MCFD2: variants seen among roughly 807,000 people sequenced by gnomAD.
The protein encoded by MCFD2 is multiple coagulation factor deficiency protein 2.
Under a neutral mutation model 12.8 loss-of-function variants are expected in MCFD2, and 11 were observed. That is an observed-to-expected ratio of 0.86 (90% CI 0.54 to 1.42). MCFD2 has a LOEUF of 1.42. Among genes scored for constraint, MCFD2 ranks in the 40% most tolerant of loss-of-function variants. The pLI is 0.00. For missense variants in MCFD2, 191 were observed against 178.6 expected, an observed-to-expected ratio of 1.07 and a Z score of -0.40; for synonymous variants, 70 against 68.1, an observed-to-expected ratio of 1.03 and a Z score of -0.14.
intron 1 of MCFD2, among the ~76,000 whole-genome samples, chr2:46,938,364 T>A (rs911389973): frequency 8.5e-5 from 13 of 152,126 alleles, no homozygotes; most frequent in African/African-American, 3.1e-4. Flanking sequence ...ATCAGTAAAC[T>A]TCTTGGGTCA....
chr2:46,934,683 TCAAAAA>T (rs1231035055), intron 1 of MCFD2, among the ~76,000 whole-genome samples: 1 of 149,646 alleles, frequency 6.7e-6, no homozygotes, highest in Non-Finnish European at 1.5e-5. Flanking sequence ...AGACTCTGTC[TCAAAAA>T]CAAAAACAAA....
chr2:46,927,612 G>A (rs1306824775), intron 1 of MCFD2, among the ~76,000 whole-genome samples: 12 of 151,764 alleles, frequency 7.9e-5, no homozygotes, highest in East Asian at 1.9e-4. Context: ...TGCTCTCCTC[G>A]GCCTCCCAAA....
At chr2:46,931,775 C>A (rs1468234442) in intron 1 of MCFD2, among the ~76,000 whole-genome samples, 1 of 152,076 alleles carries the variant, frequency 6.6e-6, no homozygotes, top group Non-Finnish European at 1.5e-5. Context: ...AGAAGAAATG[C>A]AGCTCTGCCA....
upstream of MCFD2, chr2:46,915,960 G>T (rs1024628156): frequency 8.1e-6 from 8 of 985,332 alleles, no homozygotes; most frequent in Admixed American, 1.8e-4. Flanking sequence ...AGCACTGGCG[G>T]GACTGACGCA....
chr2:46,913,651 C>G (rs1025412599), intron 1 of MCFD2: 1 of 152,306 alleles, frequency 6.6e-6, no homozygotes, highest in African/African-American at 2.4e-5. Context: ...GAAGAAAAAC[C>G]CAACGGAGGA....
chr2:46,926,093 G>A (rs1250994869), intron 1 of MCFD2, among the ~76,000 whole-genome samples: 1 of 152,108 alleles, frequency 6.6e-6, no homozygotes, highest in Non-Finnish European at 1.5e-5. Flanking sequence ...TTCCCACCCT[G>A]CCCCCTCATC....
In MCFD2 at chr2:46,908,266, T is replaced by A; in HGVS notation, c.150-297A>T. On this transcript the variant is annotated intron_variant, in intron 2 of 3. Transcript: ENST00000319466. This position sits in a 1 kb window ranked among gnomAD's most constrained non-coding sequence, Gnocchi z 4.5. Reference sequence around the variant, plus strand: ...ATTTAAAAATATGTCCTTTAAAACTTTTTTTTTTTTTTGAGACAGGGTCTC... The same window carrying A: ...ATTTAAAAATATGTCCTTTAAAACTATTTTTTTTTTTTGAGACAGGGTCTC... The A allele has an allele frequency of 4.7e-6, 1 of 214,400 alleles. No homozygotes were observed. The highest frequency in any genetic ancestry group is 8.5e-6 in the Non-Finnish European group (1 of 117,356). The allele number at this position is 214,400 out of a possible 1,614,324, so 13.3% of individuals were successfully genotyped here. A position where few individuals can be genotyped will look rare whatever the true frequency, so the allele number is the denominator to read the frequency against.
intron 1 of MCFD2, among the ~76,000 whole-genome samples, chr2:46,924,214 A>AG: frequency 6.6e-6 from 1 of 151,684 alleles, no homozygotes; most frequent in East Asian, 1.9e-4. Context: ...TTTAAAAAAA[A>AG]AAAAAACCCA....
intron 3 of MCFD2, among the ~76,000 whole-genome samples, chr2:46,906,726 G>A (rs1018652680): frequency 5.3e-5 from 8 of 151,994 alleles, no homozygotes; most frequent in African/African-American, 1.7e-4. Flanking sequence ...GGGCTCAAGC[G>A]ATCCTCCTGC....
chr2:46,941,697 G>A lies in MCFD2; in HGVS notation c.-133C>T, dbSNP rs1269506821. The A allele has an allele frequency of 2.6e-6, 4 of 1,550,872 alleles. No homozygotes were observed. The highest frequency in any genetic ancestry group is 2.7e-5 in the African/African-American group (2 of 73,252). On this transcript the variant is annotated 5_prime_UTR_variant, in exon 1 of 3. Coordinates refer to the MCFD2 transcript ENST00000409147. The surrounding 1 kb of genome is among the most constrained non-coding windows in gnomAD (Gnocchi z 4.2). ...GCGGAGGTAACAGGCGAGGCAGCCC[G>A]AGCGCAGCGTTCACCTTTCCGGACA... is the stretch of plus-strand genomic sequence containing the variant.
chr2:46,915,828 G>A (rs1221773885), upstream of MCFD2: 4 of 198,748 alleles, frequency 2.0e-5, no homozygotes, highest in Non-Finnish European at 1.9e-5. Context: ...CCCCCCCCCC[G>A]ACCTGCCCTG....
In MCFD2 at chr2:46,908,394, G is replaced by A. The variant is rs10205749; in HGVS notation, c.150-425C>T. ...TCCCACTTCAGCCCCCCAAGTAGCT[G>A]GGACCATAGGCATGTACTGCCACAT... On this transcript the variant is annotated intron_variant, in intron 2 of 3. Transcript: ENST00000319466. This position sits in a 1 kb window ranked among gnomAD's most constrained non-coding sequence, Gnocchi z 4.5. 0.18 allele frequency: 55,255 copies of A among 303,770 alleles called. 5,352 individuals are homozygous for A. Among genetic ancestry groups the A allele is most frequent in the Middle Eastern group, 0.23 (196 of 840 alleles). 18.8% of individuals were successfully genotyped at this position (303,770 alleles called of 1,614,324 possible).
rs1186170341 is a variant in MCFD2, at chr2:46,937,268, T to C, written c.-8+4304A>G. Among the ~76,000 whole-genome samples, 1 of 152,124 alleles carries C rather than the reference T, an allele frequency of 6.6e-6. No homozygotes were observed. The highest frequency in any genetic ancestry group is 2.1e-4 in the South Asian group (1 of 4,824). ...CCAATATCACAGCTGAAACCTGCTATTTCTTTTCCCCTACCCTATGCTCCT... is the reference window on the plus strand; with the variant it reads ...CCAATATCACAGCTGAAACCTGCTACTTCTTTTCCCCTACCCTATGCTCCT... On this transcript the variant is annotated intron_variant, in intron 1 of 2. Coordinates refer to the MCFD2 transcript ENST00000409147. This position sits in a 1 kb window ranked among gnomAD's most constrained non-coding sequence, Gnocchi z 4.0.
rs2103875992 is a variant in MCFD2 at position 46,940,357 on chromosome 2, C to A, written c.-8+1215G>T. Among the ~76,000 whole-genome samples the A allele has an allele frequency of 6.6e-6, 1 of 152,254 alleles. No homozygotes were observed. Among genetic ancestry groups the A allele is most frequent in the East Asian group, 1.9e-4 (1 of 5,142 alleles). On this transcript the variant is annotated intron_variant, in intron 1 of 2. Transcript: ENST00000409147. The surrounding 1 kb of genome is among the most constrained non-coding windows in gnomAD (Gnocchi z 4.7). ...CGGTGGTTTTTGGTTTCGGGTCTTG[C>A]TGTGGCTTCTCCAGCACTGGTCTGT...
chr2:46,915,806 GCCCCGC>G, upstream of MCFD2: 2 of 512,582 alleles, frequency 3.9e-6, no homozygotes, highest in Non-Finnish European at 4.3e-6. Context: ...CCTCGGCTTC[GCCCCGC>G]CCCCCCCCCC....
At chr2:46,931,557 G>T (rs1294155742) in intron 1 of MCFD2, among the ~76,000 whole-genome samples, 3 of 152,162 alleles carry the variant, frequency 2.0e-5, no homozygotes, top group African/African-American at 7.2e-5. Context: ...GGAAGCAAAG[G>T]TTGGAGTGAT....
At position 46,937,593 on chromosome 2, in the gene MCFD2, C is replaced by A. The variant is rs980115969; in HGVS notation, c.-8+3979G>T. ...ATGAAAAAGTCAGAATGGAAAACCC[C>A]CCAATGATGATTTTTTATTTATTTT... On this transcript the variant is annotated intron_variant, in intron 1 of 2. Coordinates refer to the MCFD2 transcript ENST00000409147. This position sits in a 1 kb window ranked among gnomAD's most constrained non-coding sequence, Gnocchi z 4.0. Among the ~76,000 whole-genome samples the A allele has an allele frequency of 1.3e-5, 2 of 152,076 alleles. No individual in the cohort carries two copies. The highest frequency in any genetic ancestry group is 2.9e-5 in the Non-Finnish European group (2 of 68,024).
upstream of MCFD2, chr2:46,917,190 GTC>G: frequency 1.4e-6 from 1 of 701,362 alleles, no homozygotes; most frequent in East Asian, 2.7e-5. Flanking sequence ...AAAGAAAAGA[GTC>G]TCCATGGTGC....
upstream of MCFD2, among the ~76,000 whole-genome samples, chr2:46,918,329 T>C (rs186076125): frequency 6.6e-6 from 1 of 152,354 alleles, no homozygotes; most frequent in East Asian, 1.9e-4. Flanking sequence ...GCTATCAAAA[T>C]GTATCCTGAG....
Sources: gnomAD v4.1 joint callset for allele counts (sites outside exome capture counted in the v4.1 genomes callset) on GRCh38, gnomAD v4.1.1 for gene constraint, Gnocchi (gnomAD v3.1) non-coding constraint, MANE v1.5 for transcripts, NCBI Gene and HGNC (gene_info 2026-07-23, HGNC 2026-07-21) for gene names.